Variants in TENM2 observed in about 807,000 individuals in gnomAD.
The protein encoded by TENM2 is teneurin-2.
Under a neutral mutation model 245.2 loss-of-function variants are expected in TENM2, and 52 were observed. That is an observed-to-expected ratio of 0.21 (90% CI 0.17 to 0.27). The LOEUF (loss-of-function observed/expected upper bound fraction) is 0.27, where lower values mean the gene tolerates loss of function less well. Among genes scored for constraint, TENM2 ranks in the 10% least tolerant of loss-of-function variants. The pLI, the probability that TENM2 is intolerant of heterozygous loss-of-function variation, is 1.00. For missense variants in TENM2, 3,046 were observed against 3,666.8 expected (o/e 0.83, Z 4.37); for synonymous variants, 1,363 against 1,438.9 (o/e 0.95, Z 1.19).
chr5:167,061,521 C>A, the TENM2 span, among the ~76,000 whole-genome samples: 1 of 152,274 alleles, frequency 6.6e-6, no homozygotes, highest in Admixed American at 6.5e-5. Context: ...TGAAACATTA[C>A]TAAATATTTC....
the TENM2 span, among the ~76,000 whole-genome samples, chr5:167,248,170 G>C: frequency 6.6e-6 from 1 of 152,078 alleles, no homozygotes; most frequent in Non-Finnish European, 1.5e-5. Flanking sequence ...GATGAAATTT[G>C]ACGGATTTTT....
At chr5:167,499,604 C>T (rs1769039534) in intron 2 of TENM2, among the ~76,000 whole-genome samples, 2 of 152,020 alleles carry the variant, frequency 1.3e-5, no homozygotes, top group African/African-American at 2.4e-5. Flanking sequence ...GTTTAAAATT[C>T]CCATGGAAGA....
At chr5:167,233,180 C>T in the TENM2 span, among the ~76,000 whole-genome samples, 1 of 152,102 alleles carries the variant, frequency 6.6e-6, no homozygotes, top group Non-Finnish European at 1.5e-5. Flanking sequence ...CAAAGTCTGA[C>T]CTTGCTGTTT....
intron 11 of TENM2, among the ~76,000 whole-genome samples, chr5:168,125,576 A>G (rs1795788825): frequency 1.3e-5 from 2 of 152,036 alleles, no homozygotes; most frequent in South Asian, 4.1e-4. Flanking sequence ...GCCAGTCCCA[A>G]CCTTCCTGAG....
chr5:167,587,672 C>T (rs1387240589), intron 2 of TENM2, among the ~76,000 whole-genome samples: 1 of 152,160 alleles, frequency 6.6e-6, no homozygotes, highest in Non-Finnish European at 1.5e-5. Flanking sequence ...CTCCAACATG[C>T]TCAGTAGATG....
intron 3 of TENM2, among the ~76,000 whole-genome samples, chr5:167,930,721 C>T (rs1778211854): frequency 6.6e-6 from 1 of 151,712 alleles, no homozygotes; most frequent in African/African-American, 2.4e-5. Context: ...TAATTCTTAG[C>T]CAGTTTCTGA....
At chr5:167,874,805 C>G (rs1442912578) in intron 2 of TENM2, among the ~76,000 whole-genome samples, 1 of 152,158 alleles carries the variant, frequency 6.6e-6, no homozygotes, top group Non-Finnish European at 1.5e-5. Context: ...ACTTCTTGAC[C>G]CAAGGGCCGC....
chr5:168,004,451 G>A (rs1266156927), intron 5 of TENM2, among the ~76,000 whole-genome samples: 1 of 152,008 alleles, frequency 6.6e-6, no homozygotes, highest in Non-Finnish European at 1.5e-5. Context: ...GGACTTGGGA[G>A]TGGAGCAGTG....
At chr5:167,273,624 T>C in the TENM2 span, among the ~76,000 whole-genome samples, 1 of 152,188 alleles carries the variant, frequency 6.6e-6, no homozygotes, top group Non-Finnish European at 1.5e-5. Flanking sequence ...TTGCTTATAT[T>C]GTAACTAGCT....
intron 2 of TENM2, among the ~76,000 whole-genome samples, chr5:167,760,023 C>T (rs1453714728): frequency 6.6e-6 from 1 of 152,144 alleles, no homozygotes; most frequent in Non-Finnish European, 1.5e-5. Context: ...CTTACTAGAG[C>T]GGTGGCTGTA....
the TENM2 span, among the ~76,000 whole-genome samples, chr5:167,214,518 C>T: frequency 3.3e-5 from 5 of 152,128 alleles, no homozygotes; most frequent in Non-Finnish European, 7.4e-5. Flanking sequence ...TCTTAGCCAG[C>T]TCTCTTTTTT....
chr5:167,278,491 G>A, the TENM2 span, among the ~76,000 whole-genome samples: 1 of 151,930 alleles, frequency 6.6e-6, no homozygotes, highest in Non-Finnish European at 1.5e-5. Flanking sequence ...CACATTCTCT[G>A]TACTTTTCGT....
intron 17 of TENM2, among the ~76,000 whole-genome samples, chr5:168,201,278 T>TTGTG (rs770023260): frequency 6.6e-6 from 1 of 151,526 alleles, no homozygotes; most frequent in Non-Finnish European, 1.5e-5. Context: ...ATATGTATAT[T>TTGTG]TGTGTGTGTG....
intron 7 of TENM2, among the ~76,000 whole-genome samples, chr5:168,069,040 G>T (rs1790753340): frequency 6.7e-6 from 1 of 149,200 alleles, no homozygotes; most frequent in African/African-American, 2.5e-5. Context: ...AAGGGGATTT[G>T]CACCCAAGCT....
In TENM2 at chr5:168,031,044, C is replaced by T. The variant is rs530879299; in HGVS notation, c.1187-16383C>T. 2.5e-3 allele frequency among the ~76,000 whole-genome samples: 376 copies of T among 152,276 alleles called. 1 individual carries two copies. The highest frequency in any genetic ancestry group is 8.8e-3 in the African/African-American group (366 of 41,570). ...CCTTTTCCACCCCAACTGCACCCCC[C>T]GACCACTGCTTAGTGTCACCACTGA... On this transcript the variant is annotated intron_variant, in intron 5 of 28. Coordinates refer to ENST00000518659, the Ensembl canonical transcript of TENM2.
At chr5:167,091,513 C>A in the TENM2 span, among the ~76,000 whole-genome samples, 1 of 152,092 alleles carries the variant, frequency 6.6e-6, no homozygotes, top group Admixed American at 6.6e-5. Flanking sequence ...TTATACAAGT[C>A]ATTAAGGCAT....
chr5:167,612,279 C>A (rs970804204), intron 2 of TENM2, among the ~76,000 whole-genome samples: 3 of 152,066 alleles, frequency 2.0e-5, no homozygotes, highest in African/African-American at 7.2e-5. Flanking sequence ...CTTATAGAAG[C>A]ACATATCTAC....
At chr5:167,736,992 T>C (rs1291411714) in intron 2 of TENM2, among the ~76,000 whole-genome samples, 1 of 152,078 alleles carries the variant, frequency 6.6e-6, no homozygotes, top group African/African-American at 2.4e-5. Context: ...GCAGCAAAAA[T>C]GAAGCAGAGT....
chr5:167,246,846 T>G, the TENM2 span, among the ~76,000 whole-genome samples: 12,318 of 151,924 alleles, frequency 0.081, 744 homozygotes, highest in East Asian at 0.21. Context: ...AATGTGGTGC[T>G]TCATGTTCCC....
Sources: allele counts gnomAD v4.1 joint callset (sites outside exome capture counted in the v4.1 genomes callset), GRCh38; gene constraint gnomAD v4.1.1; transcripts MANE v1.5; gene names NCBI Gene and HGNC (gene_info 2026-07-23, HGNC 2026-07-21).